The following ARFGEF1 variants were observed in gnomAD, a reference collection of about 807,000 sequenced individuals.
ARFGEF1 encodes ARF guanine nucleotide exchange factor 1.
In ARFGEF1, 42 loss-of-function variants were observed where a neutral mutation model predicts 231.0. The ratio of observed to expected loss-of-function variants is 0.18; its 90% CI spans 0.14 to 0.24. ARFGEF1 has a LOEUF of 0.24. Ranked by LOEUF, ARFGEF1 falls within the 10% of genes least tolerant of loss-of-function variation. The probability of loss-of-function intolerance (pLI) is 1.00; values close to 1 mark genes in which losing one functional copy is unlikely to be tolerated. For synonymous variants in ARFGEF1, 710 were observed against 732.3 expected, an observed-to-expected ratio of 0.97 and a Z score of 0.49; for missense variants, 1,345 against 2,192.0, an observed-to-expected ratio of 0.61 and a Z score of 7.72.
chr8:67,235,131 A>G (rs1432559989), intron 22 of ARFGEF1, among the ~76,000 whole-genome samples: 2 of 149,130 alleles, frequency 1.3e-5, no homozygotes, highest in African/African-American at 2.4e-5. Flanking sequence ...CACGTGTCAA[A>G]ATATGTCCTT....
At position 67,258,086 on chromosome 8, in the gene ARFGEF1, C is replaced by G. The variant is rs748544685; in HGVS notation, c.2440G>C (p.Gly814Arg). ...FAARYLECNQ[G>R]QTLFASADTA... ...AATGAGCATTTGAACCTTATTTACCCTTGGTTGCATTCTAGGTATCTTGCA... is the reference window on the plus strand; with the variant it reads ...AATGAGCATTTGAACCTTATTTACCGTTGGTTGCATTCTAGGTATCTTGCA... The change falls in exon 16 of 39, where the codon GGA (glycine) becomes CGA (arginine). Residue 814 changes from glycine (G) to arginine (R), a missense_variant and splice_region_variant. Gly to Arg is a moderately radical substitution (Grantham distance 125). This residue lies in a region of ARFGEF1 where 58 missense variants were observed against 133.6 expected (regional missense o/e 0.43). Transcript: ENST00000262215. 1 of 1,610,240 alleles carries G rather than the reference C, an allele frequency of 6.2e-7. No individual in the cohort carries two copies. Among genetic ancestry groups the G allele is most frequent in the Non-Finnish European group, 8.5e-7 (1 of 1,176,584 alleles).
At chr8:67,243,447 G>A (rs1470810777) in intron 19 of ARFGEF1, among the ~76,000 whole-genome samples, 1 of 152,072 alleles carries the variant, frequency 6.6e-6, no homozygotes, top group Admixed American at 6.5e-5. Context: ...TAAAACCATC[G>A]GCTCTCATGA....
intron 6 of ARFGEF1, 21 bp downstream of exon 6, chr8:67,291,825 AC>A: frequency 6.2e-7 from 1 of 1,609,070 alleles, no homozygotes; most frequent in Non-Finnish European, 8.5e-7. Context: ...CACACCCCAA[AC>A]CCCCTTTTCA....
intron 1 of ARFGEF1, among the ~76,000 whole-genome samples, chr8:67,319,852 A>G (rs1273774349): frequency 1.3e-5 from 2 of 152,200 alleles, no homozygotes; most frequent in African/African-American, 4.8e-5. Flanking sequence ...CAGTAAAAAA[A>G]CAACGAAATT....
intron 14 of ARFGEF1, among the ~76,000 whole-genome samples, chr8:67,260,492 C>T (rs1804571116): frequency 6.6e-6 from 1 of 152,118 alleles, no homozygotes; most frequent in Non-Finnish European, 1.5e-5. Context: ...TGATCAGTGA[C>T]CTTTGATGTT....
chr8:67,193,143 T>C (rs55747031), downstream of ARFGEF1, among the ~76,000 whole-genome samples: 9 of 152,250 alleles, frequency 5.9e-5, no homozygotes, highest in Non-Finnish European at 1.2e-4. Context: ...TTTTTTGAGA[T>C]AGAGTCTCTG....
intron 23 of ARFGEF1, among the ~76,000 whole-genome samples, chr8:67,230,428 GATCAA>G (rs1305033993): frequency 6.6e-5 from 10 of 151,940 alleles, no homozygotes. Context: ...GCAGATTCTG[GATCAA>G]ATCAATTTTT....
chr8:67,326,511 C>T (rs1807840605), intron 1 of ARFGEF1, among the ~76,000 whole-genome samples: 1 of 152,204 alleles, frequency 6.6e-6, no homozygotes, highest in South Asian at 2.1e-4. Context: ...ACCTTACACA[C>T]CTTTCTTAAC....
chr8:67,269,020 CAA>C (rs1387282406), intron 10 of ARFGEF1, among the ~76,000 whole-genome samples: 1 of 151,970 alleles, frequency 6.6e-6, no homozygotes, highest in African/African-American at 2.4e-5. Context: ...CACTAATAAG[CAA>C]AAGTCTATTG....
chr8:67,291,830 C>A lies in ARFGEF1; in HGVS notation c.916+17G>T. On this transcript the variant is annotated intron_variant, in intron 6 of 38. Transcript: ENST00000262215. ...TCCCTTAACACACACCCCAAACCCC[C>A]TTTTCAAGAAGATTACTTTCAGCTG... The A allele has an allele frequency of 6.2e-7, 1 of 1,610,472 alleles. No individual in the cohort carries two copies. Among genetic ancestry groups the A allele is most frequent in the Non-Finnish European group, 8.5e-7 (1 of 1,177,748 alleles).
intron 32 of ARFGEF1, 38 bp from the exon 33 acceptor site, chr8:67,216,700 T>TGTGCCAC: frequency 6.6e-7 from 1 of 1,509,264 alleles, no homozygotes; most frequent in East Asian, 2.4e-5. Context: ...ACTAGGGGGC[T>TGTGCCAC]GTGCCACATG....
rs1337264407 is a variant in ARFGEF1, at chr8:67,299,318, G to C, written c.350C>G (p.Pro117Arg). The change falls in exon 4 of 39, where the codon CCA (proline) becomes CGA (arginine). Residue 117 changes from proline (P) to arginine (R), a missense_variant. Physicochemically the swap from Pro to Arg is moderately radical, Grantham distance 103 (BLOSUM62 -2). Around this residue, in one of 14 missense-constraint regions of ARFGEF1, gnomAD observed 398 missense variants for 463.2 expected, o/e 0.86. Coordinates refer to ENST00000262215, the MANE Select transcript of ARFGEF1 (RefSeq NM_006421.5). Reference sequence around the variant, plus strand: ...TTTTTTGCCTGGTGTTGTACTATCTGGAGCATTGCCAGTCAAGTGCCCATA... The same window carrying C: ...TTTTTTGCCTGGTGTTGTACTATCTCGAGCATTGCCAGTCAAGTGCCCATA... ...IAYGHLTGNA[P>R]DSTTPGKKLI... 6.2e-7 allele frequency: 1 copy of C among 1,608,448 alleles called. No individual in the cohort carries two copies. The highest frequency in any genetic ancestry group is 2.2e-5 in the East Asian group (1 of 44,768).
chr8:67,225,992 G>A (rs1587082868), intron 28 of ARFGEF1, 31 bp downstream of exon 28: 6 of 1,549,770 alleles, frequency 3.9e-6, no homozygotes, highest in East Asian at 2.3e-5. Context: ...AGAATACTCT[G>A]CAAAATTTTG....
rs368321527 is a variant in ARFGEF1, at chr8:67,343,225, G to A, written c.63C>T (p.Ala21=). Residue 21 remains alanine, a synonymous_variant, in exon 1 of 39, where the codon GCC becomes GCT. Transcript: ENST00000262215. ...FLTRALEKIL[A]DKEVKKAHHS... is the part of the protein sequence containing the mutation. ...GATGCGCCTTCTTCACTTCCTTGTC[G>A]GCCAATATCTTCTCCAGAGCCCGGG... The A allele has an allele frequency of 2.4e-5, 38 of 1,613,670 alleles. 1 individual carries two copies. The highest frequency in any genetic ancestry group is 1.8e-4 in the East Asian group (8 of 44,848).
intron 18 of ARFGEF1, among the ~76,000 whole-genome samples, chr8:67,253,239 A>G (rs924916390): frequency 6.6e-6 from 1 of 152,194 alleles, no homozygotes; most frequent in African/African-American, 2.4e-5. Flanking sequence ...CTTTTAAATT[A>G]AAAAGTTTTT....
At chr8:67,227,818 A>C in intron 25 of ARFGEF1, 145 bp downstream of exon 25, 1 of 850,982 alleles carries the variant, frequency 1.2e-6, no homozygotes, top group Non-Finnish European at 1.7e-6. Context: ...TAAAAAGAAA[A>C]ACACCATTCA....
chr8:67,182,941 GTTGA>G (rs1177164714), intron 5 of ARFGEF1, among the ~76,000 whole-genome samples: 4 of 152,168 alleles, frequency 2.6e-5, no homozygotes, highest in South Asian at 2.1e-4. Flanking sequence ...TTTTCACTGT[GTTGA>G]TTGTGTCCTT....
chr8:67,254,839 G>A (rs943484869), intron 17 of ARFGEF1, among the ~76,000 whole-genome samples: 3 of 151,402 alleles, frequency 2.0e-5, no homozygotes, highest in Admixed American at 6.6e-5. Context: ...AGTGTTTAAC[G>A]TATCATTTAA....
At position 67,198,908 on chromosome 8, in the gene ARFGEF1, A is replaced by G; in HGVS notation, c.*26T>C. On this transcript the variant is annotated 3_prime_UTR_variant, in exon 39 of 39. Transcript: ENST00000262215. ...CCTTTTAAAGAGCAGAGGGATGTAA[A>G]TGCCAACAAAAATATTAAGTTCCCA... 1 of 1,610,108 alleles carries G rather than the reference A, an allele frequency of 6.2e-7. No individual in the cohort carries two copies. The highest frequency in any genetic ancestry group is 8.5e-7 in the Non-Finnish European group (1 of 1,178,898).
Sources: allele counts gnomAD v4.1 joint callset (sites outside exome capture counted in the v4.1 genomes callset), GRCh38; gene constraint gnomAD v4.1.1; regional missense constraint gnomAD v4.1.1; transcripts MANE v1.5; gene names NCBI Gene and HGNC (gene_info 2026-07-23, HGNC 2026-07-21).